ST7: variants seen among roughly 807,000 people sequenced by gnomAD.
ST7 encodes the protein suppression of tumorigenicity 7.
ST7 carries 28 observed loss-of-function variants against 78.7 expected under a neutral mutation model. The ratio of observed to expected loss-of-function variants is 0.36; its 90% CI spans 0.26 to 0.49. The LOEUF is 0.49. Ranked by LOEUF, ST7 falls within the 20% of genes least tolerant of loss-of-function variation. The pLI, the probability that ST7 is intolerant of heterozygous loss-of-function variation, is 0.99. For synonymous variants in ST7, 247 were observed against 249.6 expected (o/e 0.99, Z 0.10); for missense variants, 418 against 696.0 (o/e 0.60, Z 4.49).
At chr7:117,177,640 C>A (rs972659047) in intron 10 of ST7, among the ~76,000 whole-genome samples, 3 of 152,136 alleles carry the variant, frequency 2.0e-5, no homozygotes, top group Non-Finnish European at 2.9e-5. Flanking sequence ...TTCCCCCTGC[C>A]CCAAATTACT....
chr7:116,954,222 G>T (rs902944674), intron 1 of ST7: 2 of 151,904 alleles, frequency 1.3e-5, no homozygotes, highest in Non-Finnish European at 2.9e-5. Context: ...GACCCGGCCG[G>T]GCTGTCCGGG....
intron 1 of ST7, among the ~76,000 whole-genome samples, chr7:116,996,104 C>G (rs1345104411): frequency 8.1e-6 from 1 of 123,102 alleles, no homozygotes; most frequent in Admixed American, 8.3e-5. Context: ...TTTTTTGAGA[C>G]GGAGTCTTGC....
intron 10 of ST7, among the ~76,000 whole-genome samples, chr7:117,174,238 T>C (rs1370845013): frequency 6.6e-6 from 1 of 152,254 alleles, no homozygotes; most frequent in African/African-American, 2.4e-5. Context: ...TTCAACATTA[T>C]AGGTGGGCAG....
intron 1 of ST7, among the ~76,000 whole-genome samples, chr7:116,958,162 ATTTTT>A (rs34132237): frequency 4.2e-5 from 4 of 95,612 alleles, no homozygotes; most frequent in Non-Finnish European, 7.6e-5. Context: ...TGCGTGGCTA[ATTTTT>A]TTTTTTTTTT....
chr7:117,214,592 C>T (rs1432088850), intron 13 of ST7, among the ~76,000 whole-genome samples: 1 of 152,094 alleles, frequency 6.6e-6, no homozygotes, highest in East Asian at 1.9e-4. Context: ...TCTGTAATTT[C>T]GGAGAAAGCA....
chr7:117,104,556 G>A (rs965212313), intron 2 of ST7, among the ~76,000 whole-genome samples: 8 of 152,148 alleles, frequency 5.3e-5, no homozygotes, highest in African/African-American at 1.2e-4. Context: ...TATGGAAAAC[G>A]GATGTTTCTC....
At chr7:116,978,081 A>G (rs1378669406) in intron 1 of ST7, among the ~76,000 whole-genome samples, 1 of 152,156 alleles carries the variant, frequency 6.6e-6, no homozygotes, top group Non-Finnish European at 1.5e-5. Context: ...TCATCTGCTC[A>G]GCTGAGCTTG....
intron 1 of ST7, among the ~76,000 whole-genome samples, chr7:117,010,776 G>A (rs958581194): frequency 2.6e-5 from 4 of 152,130 alleles, no homozygotes; most frequent in Admixed American, 2.0e-4. Flanking sequence ...TTGGAAATGC[G>A]ATGTAAGATA....
intron 1 of ST7, among the ~76,000 whole-genome samples, chr7:116,997,302 T>G (rs373925278): frequency 6.6e-6 from 1 of 152,214 alleles, no homozygotes; most frequent in African/African-American, 2.4e-5. Flanking sequence ...TCGGGCAGCC[T>G]ACTTTTATTC....
At chr7:117,076,442 A>T (rs1799344280) in intron 1 of ST7, 1 of 152,262 alleles carries the variant, frequency 6.6e-6, no homozygotes, top group Non-Finnish European at 1.5e-5. Flanking sequence ...GTGAGGCAGG[A>T]TATTTCCTTG....
chr7:117,164,902 A>G (rs1249370621), intron 9 of ST7, among the ~76,000 whole-genome samples: 1 of 151,924 alleles, frequency 6.6e-6, no homozygotes, highest in Non-Finnish European at 1.5e-5. Flanking sequence ...GGGTGTTTGG[A>G]TGATCTCCAC....
chr7:117,103,789 C>T (rs1253017231), intron 2 of ST7, among the ~76,000 whole-genome samples: 1 of 151,980 alleles, frequency 6.6e-6, no homozygotes, highest in East Asian at 1.9e-4. Context: ...GCAAAGGAAA[C>T]AATAAAGTGA....
chr7:117,087,476 A>G (rs1264924392), intron 1 of ST7, among the ~76,000 whole-genome samples: 3 of 152,344 alleles, frequency 2.0e-5, no homozygotes, highest in Non-Finnish European at 2.9e-5. Context: ...ATGATTAACC[A>G]TACATACATC....
intron 1 of ST7, among the ~76,000 whole-genome samples, chr7:116,961,531 C>T (rs1792821104): frequency 6.7e-6 from 1 of 149,794 alleles, no homozygotes; most frequent in Admixed American, 6.7e-5. Flanking sequence ...TGATCCTTCA[C>T]CTCCATGGTT....
chr7:116,959,737 G>A (rs1015599652), intron 1 of ST7: 3 of 152,216 alleles, frequency 2.0e-5, no homozygotes, highest in East Asian at 1.9e-4. Context: ...AGTTTAGAAT[G>A]TATCCCAGAC....
At chr7:117,163,993 T>G (rs563766033) in intron 9 of ST7, among the ~76,000 whole-genome samples, 1 of 152,278 alleles carries the variant, frequency 6.6e-6, no homozygotes, top group African/African-American at 2.4e-5. Context: ...AATGACATTC[T>G]TCATAGAAAT....
At chr7:117,096,067 C>CAA (rs35970973) in intron 1 of ST7, among the ~76,000 whole-genome samples, 502 of 35,700 alleles carry the variant, frequency 0.014, 72 homozygotes, top group Non-Finnish European at 0.018. Flanking sequence ...GATTCTGCCT[C>CAA]AAAAAAAAAA....
At chr7:117,175,245 C>T (rs1272476761) in intron 10 of ST7, among the ~76,000 whole-genome samples, 3 of 152,138 alleles carry the variant, frequency 2.0e-5, no homozygotes, top group Non-Finnish European at 4.4e-5. Flanking sequence ...GCCATGTTTT[C>T]AAGATCATTA....
intron 9 of ST7, among the ~76,000 whole-genome samples, chr7:117,160,653 G>A (rs891302541): frequency 8.1e-5 from 12 of 147,690 alleles, no homozygotes; most frequent in East Asian, 4.0e-4. Context: ...GTGTGTGTGT[G>A]TATATATATA....
Sources: allele counts gnomAD v4.1 joint callset (sites outside exome capture counted in the v4.1 genomes callset), GRCh38; gene constraint gnomAD v4.1.1; transcripts MANE v1.5; gene names NCBI Gene and HGNC (gene_info 2026-07-23, HGNC 2026-07-21).